AKAP8L: variants seen among roughly 807,000 people sequenced by gnomAD.
The protein encoded by AKAP8L is A-kinase anchor protein 8-like.
A neutral mutation model predicts 77.5 loss-of-function variants in AKAP8L; 34 were observed. That is an observed-to-expected ratio of 0.44 (90% confidence interval 0.33 to 0.58). AKAP8L has a LOEUF of 0.58. AKAP8L is among the 20% of genes least tolerant of loss of function. The pLI, the probability that AKAP8L is intolerant of heterozygous loss-of-function variation, is 0.02. For missense variants in AKAP8L, 806 were observed against 887.6 expected (o/e 0.91, Z 1.17); for synonymous variants, 342 against 340.7 (o/e 1.00, Z -0.04).
chr19:15,380,732 A>T (rs1967393611), intron 12 of AKAP8L, 120 bp from the exon 13 acceptor site: 4 of 815,046 alleles, frequency 4.9e-6, no homozygotes, highest in Non-Finnish European at 7.9e-6. Context: ...TTCCAGCCCC[A>T]CCAACGGAGG....
At chr19:15,412,831 T>C (rs867541275) in intron 1 of AKAP8L, among the ~76,000 whole-genome samples, 9 of 152,358 alleles carry the variant, frequency 5.9e-5, no homozygotes, top group Middle Eastern at 3.4e-3. Context: ...CGTGAGCCAC[T>C]GCGCCCGGCC....
At chr19:15,380,691 G>A (rs1390000361) in intron 12 of AKAP8L, 79 bp from the exon 13 acceptor site, 16 of 1,394,062 alleles carry the variant, frequency 1.1e-5, no homozygotes, top group East Asian at 9.3e-5. Context: ...CCAGCTTAGA[G>A]GGACCCCACC....
In AKAP8L at chr19:15,395,438, C is replaced by T. The variant is rs1007975181; in HGVS notation, c.1536+1712G>A. 5.3e-5 allele frequency among the ~76,000 whole-genome samples: 8 copies of T among 152,016 alleles called. No homozygotes were observed. The South Asian group carries it at 1.0e-3, about 20-fold the overall frequency. Reference sequence around the variant, plus strand: ...TCAAGCGATTCTTCTGCCTTGGCCTCCCGAGTAGCTGGGATTACAGTGCCC... The same window carrying T: ...TCAAGCGATTCTTCTGCCTTGGCCTTCCGAGTAGCTGGGATTACAGTGCCC... On this transcript the variant is annotated intron_variant, in intron 12 of 13. Coordinates refer to ENST00000397410, the MANE Select transcript of AKAP8L (RefSeq NM_014371.4).
chr19:15,387,503 T>C (rs1967564252), intron 12 of AKAP8L, among the ~76,000 whole-genome samples: 1 of 152,108 alleles, frequency 6.6e-6, no homozygotes. Flanking sequence ...GTCCTTTTTT[T>C]TTTCCCCCAC....
chr19:15,418,400 C>T (rs1968252950), intron 1 of AKAP8L, among the ~76,000 whole-genome samples: 1 of 152,208 alleles, frequency 6.6e-6, no homozygotes, highest in South Asian at 2.1e-4. Flanking sequence ...TACTTATCCC[C>T]CTAGGGCCTG....
chr19:15,401,385 G>A lies in AKAP8L; in HGVS notation c.581C>T (p.Ala194Val). ...ARDARSGRPM[A>V]SGYGRMWEDP... ...TTCCCACATGCGCCCATAGCCTGAG[G>A]CCATTGGCCGGCCGCTCCGGGCATC... Residue 194 changes from alanine (A) to valine (V), a missense_variant, in exon 5 of 14, where the codon GCC becomes GTC. Ala to Val is a moderately conservative substitution (Grantham distance 64, BLOSUM62 0). Transcript: ENST00000397410. This position sits in a 1 kb window ranked among gnomAD's most constrained non-coding sequence, Gnocchi z 6.2. 9.9e-6 allele frequency: 16 copies of A among 1,613,218 alleles called. No individual in the cohort carries two copies. The highest frequency in any genetic ancestry group is 1.4e-5 in the Non-Finnish European group (16 of 1,179,800).
intron 12 of AKAP8L, among the ~76,000 whole-genome samples, chr19:15,396,609 C>T (rs926942071): frequency 1.1e-4 from 16 of 152,190 alleles, no homozygotes; most frequent in Admixed American, 3.9e-4. Flanking sequence ...TGCCAGCCCC[C>T]GGCTCCCTTC....
At chr19:15,406,361 AG>A (rs1171769290) in intron 2 of AKAP8L, among the ~76,000 whole-genome samples, 319 of 36,714 alleles carry the variant, frequency 8.7e-3, no homozygotes, top group African/African-American at 0.051. Context: ...AGAAATTTTA[AG>A]GAGAGAGAGA....
chr19:15,402,709 A>G (rs1186170860), intron 4 of AKAP8L, among the ~76,000 whole-genome samples: 1 of 152,206 alleles, frequency 6.6e-6, no homozygotes, highest in East Asian at 1.9e-4. Flanking sequence ...CTCATCTGTT[A>G]GCTGGTGCTC....
Position 15,385,134 on chromosome 19 carries a change from C to T in AKAP8L, c.1537-4522G>A, listed in dbSNP as rs1366134070. 1.2e-4 allele frequency among the ~76,000 whole-genome samples: 18 copies of T among 152,294 alleles called. No individual in the cohort carries two copies. The East Asian group carries it at 1.5e-3, about 13-fold the overall frequency. ...CTGGGACTACAGGCGCCCACCACCA[C>T]GCCCGGCTAATTTTTTGTGTTTTTA... On this transcript the variant is annotated intron_variant, in intron 12 of 13. Coordinates refer to ENST00000397410, the MANE Select transcript of AKAP8L (RefSeq NM_014371.4).
Position 15,397,865 on chromosome 19 carries a change from G to T in AKAP8L, c.1158-10C>A. ...ACACACAAACTGGATCCTGCCACAG[G>T]AAGGAAACGAGGGGCTGAGGCTGCA... On this transcript the variant is annotated splice_polypyrimidine_tract_variant and intron_variant, in intron 9 of 13. Transcript: ENST00000397410. The surrounding 1 kb of genome is among the most constrained non-coding windows in gnomAD (Gnocchi z 4.7). 6.2e-7 allele frequency: 1 copy of T among 1,613,264 alleles called. No individual in the cohort carries two copies. Among genetic ancestry groups the T allele is most frequent in the Non-Finnish European group, 8.5e-7 (1 of 1,179,576 alleles).
rs374349072 is a variant in AKAP8L at position 15,404,014 on chromosome 19, A to G, written c.117T>C (p.Asn39=). ...YGYGTWNSGT[N]RGYEGYGYGY... ...AATCACAGGAATGACACTTGCCTCT[A>G]TTTGTCCCAGAGTTCCAAGTTCCAT... The change falls in exon 3 of 14, where the codon AAT becomes AAC. Residue 39 remains asparagine (N), a synonymous_variant. Transcript: ENST00000397410. 1.8e-5 allele frequency: 29 copies of G among 1,613,768 alleles called. No individual in the cohort carries two copies. The African/African-American group carries it at 2.7e-4, about 15-fold the overall frequency.
intron 1 of AKAP8L, among the ~76,000 whole-genome samples, chr19:15,416,635 C>G (rs1968212730): frequency 6.6e-6 from 1 of 152,210 alleles, no homozygotes; most frequent in African/African-American, 2.4e-5. Flanking sequence ...ATCACCTATC[C>G]ATTCCAAACA....
Position 15,389,000 on chromosome 19 carries a change from G to A in AKAP8L, c.1536+8150C>T, listed in dbSNP as rs1249168073. ...GAGGCCGAGGCAGGCGGATCACAAG[G>A]TCAAGAGATGGAGACCATCTTGGCT... is the stretch of plus-strand genomic sequence containing the variant. On this transcript the variant is annotated intron_variant, in intron 12 of 13. Coordinates refer to ENST00000397410, the MANE Select transcript of AKAP8L (RefSeq NM_014371.4). Among the ~76,000 whole-genome samples the A allele has an allele frequency of 3.3e-5, 5 of 150,326 alleles. No homozygotes were observed. The East Asian group carries it at 9.8e-4, about 29-fold the overall frequency.
chr19:15,413,391 T>C (rs1968143967), intron 1 of AKAP8L, among the ~76,000 whole-genome samples: 1 of 152,178 alleles, frequency 6.6e-6, no homozygotes, highest in African/African-American at 2.4e-5. Flanking sequence ...AAAATACATC[T>C]AGCTCCAAGG....
Position 15,399,226 on chromosome 19 carries a change from C to T in AKAP8L, c.1157+76G>A. The T allele has an allele frequency of 7.3e-7, 1 of 1,366,722 alleles. No individual in the cohort carries two copies. The highest frequency in any genetic ancestry group is 2.3e-5 in the East Asian group (1 of 43,472). 84.7% of individuals were successfully genotyped at this position (1,366,722 alleles called of 1,614,324 possible). A position where few individuals can be genotyped will look rare whatever the true frequency, so the allele number is the denominator to read the frequency against. On this transcript the variant is annotated intron_variant, in intron 9 of 13. Coordinates refer to ENST00000397410, the MANE Select transcript of AKAP8L (RefSeq NM_014371.4). This position sits in a 1 kb window ranked among gnomAD's most constrained non-coding sequence, Gnocchi z 6.1. ...GGGAGGCCAGAGGGCGGCGAGCTGG[C>T]AGAGCTATGGCCCTGCTCTCCTGGC...
intron 7 of AKAP8L, 36 bp from the exon 8 acceptor site, chr19:15,400,394 C>T (rs1873704524): frequency 1.2e-5 from 17 of 1,382,736 alleles, no homozygotes; most frequent in African/African-American, 3.0e-5. Flanking sequence ...AAACAGGTGC[C>T]TTTTTTTTTT....
At chr19:15,406,402 A>AGAGAGAGAGAGAGAGAGAGG (rs1968001803) in intron 2 of AKAP8L, among the ~76,000 whole-genome samples, 3 of 146,786 alleles carry the variant, frequency 2.0e-5, no homozygotes, top group Non-Finnish European at 4.5e-5. Flanking sequence ...AGAGAGAGAG[A>AGAGAGAGAGAGAGAGAGAGG]GATCCTTAAA....
chr19:15,388,351 ACT>A (rs34772921), intron 12 of AKAP8L, among the ~76,000 whole-genome samples: 120,238 of 151,050 alleles, frequency 0.8, 48,133 homozygotes, highest in East Asian at 0.99. Context: ...TCCAAAGGAA[ACT>A]CTGACCCAGG....
Sources: gnomAD v4.1 joint callset for allele counts (sites outside exome capture counted in the v4.1 genomes callset) on GRCh38, gnomAD v4.1.1 for gene constraint, Gnocchi (gnomAD v3.1) non-coding constraint, MANE v1.5 for transcripts, NCBI Gene and HGNC (gene_info 2026-07-23, HGNC 2026-07-21) for gene names.